The following LGR4 variants were observed in gnomAD, a reference collection of about 807,000 sequenced individuals.
The protein encoded by LGR4 is leucine rich repeat containing G protein-coupled receptor 4, also known as leucine-rich repeat-containing G protein-coupled receptor 4.
A neutral mutation model predicts 84.8 loss-of-function variants in LGR4; 44 were observed. The ratio of observed to expected loss-of-function variants is 0.52; its 90% confidence interval spans 0.41 to 0.67. The LOEUF (loss-of-function observed/expected upper bound fraction) is 0.67, where lower values mean the gene tolerates loss of function less well. Among genes scored for constraint, LGR4 ranks in the 30% least tolerant of loss-of-function variants. LGR4 has a pLI of 0.00. For missense variants in LGR4, 1,032 were observed against 1,131.4 expected, an observed-to-expected ratio of 0.91 and a Z score of 1.26; for synonymous variants, 429 against 434.3, an observed-to-expected ratio of 0.99 and a Z score of 0.15.
intron 7 of LGR4, 122 bp downstream of exon 7, chr11:27,382,066 G>A: frequency 3.0e-6 from 2 of 665,578 alleles, no homozygotes; most frequent in Non-Finnish European, 5.3e-6. Context: ...TTATTTGTGT[G>A]TTTGTGTGCA....
intron 13 of LGR4, 100 bp downstream of exon 13, chr11:27,376,199 A>C (rs1339393654): frequency 1.4e-6 from 1 of 738,992 alleles, no homozygotes; most frequent in Admixed American, 2.6e-5. Flanking sequence ...TGAAATTAAA[A>C]TTATATCTTT....
intron 1 of LGR4, among the ~76,000 whole-genome samples, chr11:27,462,088 C>T (rs967796526): frequency 1.3e-5 from 2 of 152,074 alleles, no homozygotes; most frequent in African/African-American, 4.8e-5. Context: ...CCGCCTCGGC[C>T]TCCCAAAGTG....
chr11:27,461,771 G>A (rs1864686291), intron 1 of LGR4, among the ~76,000 whole-genome samples: 1 of 148,124 alleles, frequency 6.8e-6, no homozygotes, highest in African/African-American at 2.5e-5. Context: ...TGGAAAGAAA[G>A]AAAGTGATCC....
chr11:27,441,431 G>C (rs987530278), intron 1 of LGR4, among the ~76,000 whole-genome samples: 1 of 151,542 alleles, frequency 6.6e-6, no homozygotes, highest in Non-Finnish European at 1.5e-5. Context: ...AGTGGCATGG[G>C]TGACTAAATA....
intron 11 of LGR4, 48 bp downstream of exon 11, chr11:27,378,649 A>T (rs1230442377): frequency 2.4e-6 from 3 of 1,245,294 alleles, no homozygotes; most frequent in Non-Finnish European, 2.3e-6. Flanking sequence ...ACATGTGTGA[A>T]TATATAAACA....
intron 9 of LGR4, 80 bp from the exon 10 acceptor site, chr11:27,380,419 G>T: frequency 9.9e-7 from 1 of 1,009,120 alleles, no homozygotes; most frequent in Non-Finnish European, 1.5e-6. Context: ...AAATTACAGT[G>T]CAACTATAAC....
rs1311165936 is a variant in LGR4 at position 27,373,595 on chromosome 11, G to A, written c.1335C>T (p.Phe445=). 6.2e-7 allele frequency: 1 copy of A among 1,601,394 alleles called. No individual in the cohort carries two copies. Among genetic ancestry groups the A allele is most frequent in the East Asian group, 2.2e-5 (1 of 44,564 alleles). The change falls in exon 15 of 18, where the codon TTC becomes TTT. Residue 445 remains phenylalanine, a synonymous_variant. Transcript: ENST00000379214. Reference sequence around the variant, plus strand: ...TTGCTGCTAAGGCTTCTTTCAGCTTGAAGTTGCCCACAAGTTTCAGTTGAT... The same window carrying A: ...TTGCTGCTAAGGCTTCTTTCAGCTTAAAGTTGCCCACAAGTTTCAGTTGAT... ...GLNQLKLVGN[F]KLKEALAAKD...
At position 27,385,479 on chromosome 11, in the gene LGR4, CA is replaced by C; in HGVS notation, c.402-12del. On this transcript the variant is annotated splice_polypyrimidine_tract_variant and intron_variant, in intron 4 of 17. Transcript: ENST00000379214. Reference sequence around the variant, plus strand: ...TTGGCATCTAAACGCCTAACAGAAACAAAAACAACCATGTTCAGTAACAAAT... The same window carrying C: ...TTGGCATCTAAACGCCTAACAGAAACAAAACAACCATGTTCAGTAACAAAT... 6.4e-7 allele frequency: 1 copy of C among 1,552,360 alleles called. No individual in the cohort carries two copies. Among genetic ancestry groups the C allele is most frequent in the Non-Finnish European group, 8.8e-7 (1 of 1,136,906 alleles).
intron 1 of LGR4, among the ~76,000 whole-genome samples, chr11:27,418,298 G>A (rs1437094050): frequency 6.6e-6 from 1 of 152,096 alleles, no homozygotes; most frequent in South Asian, 2.1e-4. Context: ...CTATTTATAC[G>A]GCCGCAGAAA....
At chr11:27,463,145 C>T (rs539225792) in intron 1 of LGR4, among the ~76,000 whole-genome samples, 1 of 150,064 alleles carries the variant, frequency 6.7e-6, no homozygotes, top group Non-Finnish European at 1.5e-5. Context: ...CTAGCTACTT[C>T]GGAGACTGAG....
In LGR4 at chr11:27,387,320, T is replaced by G. The variant is rs529678219; in HGVS notation, c.402-1852A>C. Among the ~76,000 whole-genome samples the G allele has an allele frequency of 4.6e-5, 7 of 152,038 alleles. No homozygotes were observed. The South Asian group carries it at 8.3e-4, about 18-fold the overall frequency. On this transcript the variant is annotated intron_variant, in intron 4 of 17. Transcript: ENST00000379214. ...ACAACACAATAAACACGTTACAAAATGATAACAAATACTCTAAAAACTACC... is the reference window on the plus strand; with the variant it reads ...ACAACACAATAAACACGTTACAAAAGGATAACAAATACTCTAAAAACTACC...
In LGR4 at chr11:27,472,272, G is replaced by A; in HGVS notation, c.31C>T (p.Leu11Phe). Reference protein sequence around the residue: MPGPLGLLCFLALGLLGSAGP... With the variant: MPGPLGLLCFFALGLLGSAGP... Reference sequence around the variant, plus strand: ...GCCGAGCCGAGCAGCCCCAGGGCGAGGAAGCAGAGCAGCCCTAGCGGGCCC... The same window carrying A: ...GCCGAGCCGAGCAGCCCCAGGGCGAAGAAGCAGAGCAGCCCTAGCGGGCCC... Residue 11 changes from leucine to phenylalanine, a missense_variant, in exon 1 of 18, where the codon CTC becomes TTC. Transcript: ENST00000379214. 1 of 1,267,208 alleles carries A rather than the reference G, an allele frequency of 7.9e-7. No homozygotes were observed. Among genetic ancestry groups the A allele is most frequent in the Middle Eastern group, 3.1e-4 (1 of 3,210 alleles). 78.5% of individuals were successfully genotyped at this position (1,267,208 alleles called of 1,614,324 possible).
intron 1 of LGR4, among the ~76,000 whole-genome samples, chr11:27,455,080 T>C (rs894873944): frequency 6.6e-6 from 1 of 152,218 alleles, no homozygotes; most frequent in Non-Finnish European, 1.5e-5. Flanking sequence ...TTGTCACCCA[T>C]GCTGGAGTGC....
At chr11:27,385,142 C>G in intron 5 of LGR4, 111 bp downstream of exon 5, 1 of 721,690 alleles carries the variant, frequency 1.4e-6, no homozygotes, top group Non-Finnish European at 2.3e-6. Flanking sequence ...AAAGCACTAA[C>G]TACTCAGGAG....
chr11:27,428,947 T>C (rs1478302200), intron 1 of LGR4, among the ~76,000 whole-genome samples: 1 of 152,116 alleles, frequency 6.6e-6, no homozygotes, highest in African/African-American at 2.4e-5. Context: ...GATGCTGCTG[T>C]CACCTGGAGA....
At chr11:27,395,960 T>A (rs557479295) in intron 2 of LGR4, among the ~76,000 whole-genome samples, 1 of 152,212 alleles carries the variant, frequency 6.6e-6, no homozygotes, top group South Asian at 2.1e-4. Flanking sequence ...AGGAAAAAAA[T>A]CCCAAATTCT....
intron 1 of LGR4, among the ~76,000 whole-genome samples, chr11:27,443,421 G>C (rs529600646): frequency 6.6e-6 from 1 of 152,142 alleles, no homozygotes; most frequent in Non-Finnish European, 1.5e-5. Context: ...TAAGTAGCCT[G>C]TATATCAAAA....
intron 2 of LGR4, among the ~76,000 whole-genome samples, chr11:27,411,338 A>G (rs1863707411): frequency 6.6e-6 from 1 of 152,010 alleles, no homozygotes; most frequent in Admixed American, 6.6e-5. Context: ...TCAATTGAAA[A>G]ATCTTAATTA....
intron 1 of LGR4, among the ~76,000 whole-genome samples, chr11:27,438,794 T>C (rs1044860630): frequency 3.3e-5 from 5 of 152,162 alleles, no homozygotes; most frequent in African/African-American, 1.2e-4. Context: ...CCATTGACTC[T>C]CTTGGCTCTC....
Sources: gnomAD v4.1 joint callset for allele counts (sites outside exome capture counted in the v4.1 genomes callset) on GRCh38, gnomAD v4.1.1 for gene constraint, MANE v1.5 for transcripts, NCBI Gene and HGNC (gene_info 2026-07-23, HGNC 2026-07-21) for gene names.